Variants in RSPO2 observed in about 807,000 individuals in gnomAD.
RSPO2 encodes the protein R-spondin 2.
A neutral mutation model predicts 30.9 loss-of-function variants in RSPO2; 14 were observed. That is an observed-to-expected ratio of 0.45 (90% CI 0.30 to 0.71). RSPO2 has a LOEUF of 0.71. Ranked by LOEUF, RSPO2 falls within the 30% of genes least tolerant of loss-of-function variation. RSPO2 has a pLI of 0.08. For missense variants in RSPO2, 264 were observed against 301.9 expected, an observed-to-expected ratio of 0.87 and a Z score of 0.93; for synonymous variants, 107 against 96.4, an observed-to-expected ratio of 1.11 and a Z score of -0.64.
chr8:107,989,033 G>C (rs769445914), intron 3 of RSPO2, 23 bp downstream of exon 3: 1 of 1,575,916 alleles, frequency 6.3e-7, no homozygotes, highest in Non-Finnish European at 8.6e-7. Context: ...AGCAATACAG[G>C]ATAGACAAAA....
At chr8:108,023,485 C>A (rs768969603) in intron 2 of RSPO2, among the ~76,000 whole-genome samples, 100 of 152,148 alleles carry the variant, frequency 6.6e-4, no homozygotes, top group Middle Eastern at 6.8e-3. Context: ...TAAAATGATA[C>A]GCTTTGATTT....
At chr8:107,914,528 T>G (rs564107354) in intron 5 of RSPO2, among the ~76,000 whole-genome samples, 1 of 152,122 alleles carries the variant, frequency 6.6e-6, no homozygotes, top group African/African-American at 2.4e-5. Flanking sequence ...CTGTTTACTA[T>G]GTAACTAATC....
chr8:107,941,760 A>G (rs1037646278), intron 5 of RSPO2, among the ~76,000 whole-genome samples: 1 of 152,212 alleles, frequency 6.6e-6, no homozygotes, highest in Non-Finnish European at 1.5e-5. Context: ...GTGCTTCTTG[A>G]TTGAACACTC....
At chr8:107,917,995 T>C (rs553802767) in intron 5 of RSPO2, among the ~76,000 whole-genome samples, 1 of 152,288 alleles carries the variant, frequency 6.6e-6, no homozygotes, top group East Asian at 1.9e-4. Flanking sequence ...CTAATAACTT[T>C]AGAGAATGTG....
At chr8:107,971,509 G>A (rs183668731) in intron 3 of RSPO2, among the ~76,000 whole-genome samples, 9 of 152,210 alleles carry the variant, frequency 5.9e-5, no homozygotes, top group East Asian at 3.9e-4. Flanking sequence ...CAGGGTTTAC[G>A]TCTCACAACA....
At chr8:108,043,754 A>G (rs1811825757) in intron 2 of RSPO2, among the ~76,000 whole-genome samples, 1 of 152,238 alleles carries the variant, frequency 6.6e-6, no homozygotes. Flanking sequence ...AAGGAATGTA[A>G]AAGTTCTGCA....
At chr8:108,009,824 C>A (rs1483671262) in intron 2 of RSPO2, among the ~76,000 whole-genome samples, 5 of 152,004 alleles carry the variant, frequency 3.3e-5, no homozygotes, top group Admixed American at 2.6e-4. Flanking sequence ...TTAAGGTGGG[C>A]AGATCACTTG....
intron 2 of RSPO2, among the ~76,000 whole-genome samples, chr8:107,994,730 T>C (rs1164260086): frequency 1.3e-5 from 2 of 152,038 alleles, no homozygotes; most frequent in African/African-American, 4.8e-5. Flanking sequence ...AAGAAAGAAT[T>C]AGGAGAGAAG....
chr8:107,937,602 C>A (rs1812760531), intron 5 of RSPO2, among the ~76,000 whole-genome samples: 1 of 126,438 alleles, frequency 7.9e-6, no homozygotes, highest in Admixed American at 9.1e-5. Context: ...ATTATACCTT[C>A]CATCATTTGA....
chr8:107,972,594 AG>A (rs1257296889), intron 3 of RSPO2, among the ~76,000 whole-genome samples: 1 of 152,116 alleles, frequency 6.6e-6, no homozygotes, highest in Non-Finnish European at 1.5e-5. Context: ...AAGAAACAAA[AG>A]GTATGCACAG....
At chr8:107,996,796 TCA>T (rs1815040303) in intron 2 of RSPO2, 1 of 344,146 alleles carries the variant, frequency 2.9e-6, no homozygotes, top group Admixed American at 3.8e-5. Context: ...CACAAAGATC[TCA>T]GAGTCAACAA....
At chr8:107,978,820 A>C (rs1441944935) in intron 3 of RSPO2, among the ~76,000 whole-genome samples, 2 of 152,220 alleles carry the variant, frequency 1.3e-5, no homozygotes, top group Non-Finnish European at 2.9e-5. Flanking sequence ...CAATGAACTC[A>C]AACAAATTTA....
chr8:107,917,018 T>TTA (rs1812003160), intron 5 of RSPO2, among the ~76,000 whole-genome samples: 1 of 152,202 alleles, frequency 6.6e-6, no homozygotes, highest in South Asian at 2.1e-4. Context: ...GAAATATTTT[T>TTA]ATGCAATATT....
chr8:108,060,585 A>T (rs1054292105), intron 2 of RSPO2, among the ~76,000 whole-genome samples: 3 of 151,872 alleles, frequency 2.0e-5, no homozygotes, highest in African/African-American at 7.3e-5. Context: ...GATGGGGAGA[A>T]TGGAACCAAG....
In RSPO2 at chr8:107,997,908, T is replaced by C. The variant is rs903324341; in HGVS notation, c.95-8664A>G. Among the ~76,000 whole-genome samples the C allele has an allele frequency of 2.0e-5, 3 of 152,202 alleles. No individual in the cohort carries two copies. In the East Asian group the frequency reaches 5.8e-4, roughly 29 times the overall value. ...TATACTCCTGACTTTTAAAAAAATG[T>C]GTTCCGTTGTTTCTGCAGTTAGCCC... is the stretch of plus-strand genomic sequence containing the variant. On this transcript the variant is annotated intron_variant, in intron 2 of 5. Transcript: ENST00000276659.
chr8:108,034,677 A>T (rs1811535899), intron 2 of RSPO2, among the ~76,000 whole-genome samples: 1 of 152,228 alleles, frequency 6.6e-6, no homozygotes, highest in African/African-American at 2.4e-5. Context: ...CAGAATAACA[A>T]TTACAGAGGC....
At chr8:107,915,440 C>T (rs1207325557) in intron 5 of RSPO2, among the ~76,000 whole-genome samples, 1 of 152,084 alleles carries the variant, frequency 6.6e-6, no homozygotes, top group Non-Finnish European at 1.5e-5. Flanking sequence ...TTGACTCTCC[C>T]TGACTAGTAG....
intron 3 of RSPO2, among the ~76,000 whole-genome samples, chr8:107,984,929 G>C (rs1476064439): frequency 6.6e-6 from 1 of 152,096 alleles, no homozygotes; most frequent in Non-Finnish European, 1.5e-5. Flanking sequence ...TATCTACTTT[G>C]TAATAGTTCA....
intron 2 of RSPO2, among the ~76,000 whole-genome samples, chr8:108,063,553 T>C (rs113114288): frequency 1.6e-4 from 24 of 151,824 alleles, no homozygotes; most frequent in Admixed American, 5.2e-4. Flanking sequence ...AATGGAAGAA[T>C]ATTCCATGCT....
Sources: gnomAD v4.1 joint callset for allele counts (sites outside exome capture counted in the v4.1 genomes callset) on GRCh38, gnomAD v4.1.1 for gene constraint, MANE v1.5 for transcripts, NCBI Gene and HGNC (gene_info 2026-07-23, HGNC 2026-07-21) for gene names.